The following PDE2A variants were observed in gnomAD, a reference collection of about 807,000 sequenced individuals.
PDE2A encodes cGMP-dependent 3',5'-cyclic phosphodiesterase.
Under a neutral mutation model 133.6 loss-of-function variants are expected in PDE2A, and 53 were observed. The observed-to-expected ratio is 0.40, with a 90% confidence interval of 0.32 to 0.50. PDE2A has a LOEUF of 0.50. Among genes scored for constraint, PDE2A ranks in the 20% least tolerant of loss-of-function variants. PDE2A has a pLI of 0.73. For missense variants in PDE2A, 796 were observed against 1,232.4 expected (o/e 0.65, Z 5.30); for synonymous variants, 491 against 490.2 (o/e 1.00, Z -0.02).
intron 2 of PDE2A, among the ~76,000 whole-genome samples, chr11:72,617,396 C>T (rs113695240): frequency 5.3e-5 from 8 of 152,104 alleles, no homozygotes; most frequent in African/African-American, 1.4e-4. Flanking sequence ...GCTGGCTGCC[C>T]GGTGATGCCT....
chr11:72,612,552 C>T (rs1221828439), intron 2 of PDE2A, among the ~76,000 whole-genome samples: 1 of 152,088 alleles, frequency 6.6e-6, no homozygotes, highest in Non-Finnish European at 1.5e-5. Flanking sequence ...TCAGTTTTGT[C>T]ATTACTAAAA....
intron 6 of PDE2A, 117 bp downstream of exon 6, chr11:72,596,476 T>TCACA (rs760226055): frequency 0.05 from 11,586 of 232,676 alleles, 214 homozygotes; most frequent in Admixed American, 0.078. Flanking sequence ...TCTCTCTCTC[T>TCACA]CTCTCTCTCA....
At position 72,666,464 on chromosome 11, in the gene PDE2A, C is replaced by A. The variant is rs537702054; in HGVS notation, c.71+7673G>T. 3.3e-5 allele frequency among the ~76,000 whole-genome samples: 5 copies of A among 152,294 alleles called. No homozygotes were observed. The East Asian group carries it at 9.6e-4, about 29-fold the overall frequency. On this transcript the variant is annotated intron_variant, in intron 1 of 30. Transcript: ENST00000334456. ...CCAATCCGATAGACTAGGACCCTGG[C>A]TGGCCCAACCTGAGACTGAACACAA...
chr11:72,619,494 C>A (rs1285033138), intron 2 of PDE2A, among the ~76,000 whole-genome samples: 1 of 152,162 alleles, frequency 6.6e-6, no homozygotes, highest in Non-Finnish European at 1.5e-5. Context: ...AATCTGTAAC[C>A]CACATGGGTC....
At chr11:72,598,742 C>T (rs1856598651) in intron 4 of PDE2A, 5 of 1,242,916 alleles carry the variant, frequency 4.0e-6, no homozygotes, top group African/African-American at 1.6e-5. Context: ...CTAGACAAAT[C>T]GAGGACCAAA....
intron 1 of PDE2A, among the ~76,000 whole-genome samples, chr11:72,645,687 T>C (rs1859112032): frequency 6.6e-6 from 1 of 152,260 alleles, no homozygotes; most frequent in African/African-American, 2.4e-5. Context: ...CTGGAGTAGA[T>C]GCATCTCCTC....
Position 72,578,277 on chromosome 11 carries a change from C to A in PDE2A, c.2571G>T (p.Glu857Asp). 1 of 1,613,838 alleles carries A rather than the reference C, an allele frequency of 6.2e-7. No homozygotes were observed. The highest frequency in any genetic ancestry group is 8.5e-7 in the Non-Finnish European group (1 of 1,179,798). The change falls in exon 30 of 31, where the codon GAG (glutamate) becomes GAT (aspartate). Residue 857 changes from glutamate (E) to aspartate (D), a missense_variant. By Grantham distance (45) the Glu-to-Asp change is conservative. Around this residue, in one of 7 missense-constraint regions of PDE2A, gnomAD observed 28 missense variants for 86.0 expected, o/e 0.33. Transcript: ENST00000334456. This position sits in a 1 kb window ranked among gnomAD's most constrained non-coding sequence, Gnocchi z 4.2. ...TGTGCTCCATGAAGCTGATTTGCAGCTCAGGGATATAGGCCTTCTCCCGGT... is the reference window on the plus strand; with the variant it reads ...TGTGCTCCATGAAGCTGATTTGCAGATCAGGGATATAGGCCTTCTCCCGGT... ...MMDREKAYIP[E>D]LQISFMEHIA...
chr11:72,619,721 G>C (rs1022054457), intron 2 of PDE2A, among the ~76,000 whole-genome samples: 1 of 152,164 alleles, frequency 6.6e-6, no homozygotes, highest in Non-Finnish European at 1.5e-5. Flanking sequence ...GTGTGGCTGA[G>C]AGTGGTGGAA....
rs34217943 is a variant in PDE2A, at chr11:72,664,364, A to ATTT, written c.71+9770_71+9772dup. 7.0e-4 allele frequency among the ~76,000 whole-genome samples: 49 copies of ATTT among 70,102 alleles called. 5 individuals carry two copies. Among genetic ancestry groups the ATTT allele is most frequent in the African/African-American group, 2.7e-3 (45 of 16,582 alleles). The allele number at this position is 70,102 out of a possible 152,430, so 46.0% of individuals were successfully genotyped here. On this transcript the variant is annotated intron_variant, in intron 1 of 30. Coordinates refer to ENST00000334456, the MANE Select transcript of PDE2A (RefSeq NM_002599.5). The stretch of plus-strand genomic sequence containing the variant: ...CAAAATAGGGCTAGCCCCTTGAAGG[A>ATTT]TTTTTTTTTTTTTTTTTTTTTTTTT...
At position 72,625,458 on chromosome 11, in the gene PDE2A, G is replaced by T. The variant is rs113977668; in HGVS notation, c.145-16707C>A. Reference sequence around the variant, plus strand: ...TGAAGCTGCTGAAAGCCTGAGGAGTGGGAGATGGAGGGCAGAGGACAAGGG... The same window carrying T: ...TGAAGCTGCTGAAAGCCTGAGGAGTTGGAGATGGAGGGCAGAGGACAAGGG... On this transcript the variant is annotated intron_variant, in intron 2 of 30. Coordinates refer to ENST00000334456, the MANE Select transcript of PDE2A (RefSeq NM_002599.5). 4.8e-3 allele frequency among the ~76,000 whole-genome samples: 738 copies of T among 152,334 alleles called. 6 individuals are homozygous for T. The highest frequency in any genetic ancestry group is 0.016 in the African/African-American group (659 of 41,564).
intron 2 of PDE2A, among the ~76,000 whole-genome samples, chr11:72,625,991 C>T (rs1319352646): frequency 6.6e-6 from 1 of 152,268 alleles, no homozygotes; most frequent in Admixed American, 6.5e-5. Flanking sequence ...CCCGGGGCCG[C>T]AGCATCTGGC....
rs768416111 is a variant in PDE2A, at chr11:72,642,239, C to CG, written c.144+14dup. ...CACCCCGTTCTCCTGGTGCCCAGCG[C>CG]GGGGGCCCCCCTACCTGCAGGCTGT... On this transcript the variant is annotated intron_variant, in intron 2 of 30. Transcript: ENST00000334456. 18 of 1,496,210 alleles carry CG rather than the reference C, an allele frequency of 1.2e-5. No individual in the cohort carries two copies. Among genetic ancestry groups the CG allele is most frequent in the Middle Eastern group, 1.7e-4 (1 of 5,738 alleles). 92.7% of individuals were successfully genotyped at this position (1,496,210 alleles called of 1,614,324 possible).
chr11:72,625,668 T>G (rs1000445105), intron 2 of PDE2A, among the ~76,000 whole-genome samples: 1 of 152,098 alleles, frequency 6.6e-6, no homozygotes, highest in Admixed American at 6.5e-5. Flanking sequence ...TTTGTGGGGT[T>G]TGGAGAAAAC....
At chr11:72,579,634 C>A (rs763820159) in intron 25 of PDE2A, 26 bp from the exon 26 acceptor site, 8 of 1,553,680 alleles carry the variant, frequency 5.1e-6, no homozygotes, top group Non-Finnish European at 7.1e-6. Context: ...TGATGGGGGC[C>A]CAGCTGGGGC....
intron 2 of PDE2A, among the ~76,000 whole-genome samples, chr11:72,628,838 T>C (rs1159055322): frequency 6.6e-6 from 1 of 152,180 alleles, no homozygotes; most frequent in African/African-American, 2.4e-5. Context: ...CAGTCCCTTT[T>C]CCCTCCAGCT....
chr11:72,585,470 G>GGCTGCCAAGACCTCCC (rs767284042), intron 15 of PDE2A, 36 bp from the exon 16 acceptor site: 1 of 1,610,410 alleles, frequency 6.2e-7, no homozygotes, highest in Non-Finnish European at 8.5e-7. Context: ...GGTGAGACCA[G>GGCTGCCAAGACCTCCC]GCTGCCAAGA....
intron 2 of PDE2A, among the ~76,000 whole-genome samples, chr11:72,638,425 C>T (rs1031469176): frequency 1.3e-5 from 2 of 152,174 alleles, no homozygotes; most frequent in African/African-American, 2.4e-5. Context: ...AGGAGAGACC[C>T]GGGCCCAGCC....
intron 2 of PDE2A, among the ~76,000 whole-genome samples, chr11:72,627,350 C>T (rs1858132335): frequency 6.6e-6 from 1 of 152,176 alleles, no homozygotes; most frequent in African/African-American, 2.4e-5. Flanking sequence ...GAAATGGGGA[C>T]TGTGAGTGCC....
At position 72,578,858 on chromosome 11, in the gene PDE2A, G is replaced by GA. The variant is rs1565145708; in HGVS notation, c.2469+38_2469+39insT. On this transcript the variant is annotated intron_variant, in intron 28 of 30. Coordinates refer to ENST00000334456, the MANE Select transcript of PDE2A (RefSeq NM_002599.5). This position sits in a 1 kb window ranked among gnomAD's most constrained non-coding sequence, Gnocchi z 4.2. ...CAGGGGGCACCCAAAGCTGGGCAGG[G>GA]TGGGCAGCCTGTGCCTTCCCAGGGA... 2 of 1,297,880 alleles carry GA rather than the reference G, an allele frequency of 1.5e-6. No homozygotes were observed. Among genetic ancestry groups the GA allele is most frequent in the Middle Eastern group, 1.8e-4 (1 of 5,446 alleles). The allele number at this position is 1,297,880 out of a possible 1,614,324, so 80.4% of individuals were successfully genotyped here. A position where few individuals can be genotyped will look rare whatever the true frequency, so the allele number is the denominator to read the frequency against.
Sources: allele counts gnomAD v4.1 joint callset (sites outside exome capture counted in the v4.1 genomes callset), GRCh38; gene constraint gnomAD v4.1.1; regional missense constraint gnomAD v4.1.1; non-coding constraint Gnocchi (gnomAD v3.1); transcripts MANE v1.5; gene names NCBI Gene and HGNC (gene_info 2026-07-23, HGNC 2026-07-21).